LIN54: variants seen among roughly 807,000 people sequenced by gnomAD.
LIN54 encodes protein lin-54 homolog.
In LIN54, 9 loss-of-function variants were observed where a neutral mutation model predicts 78.7. The observed-to-expected ratio is 0.11, with a 90% CI of 0.07 to 0.20. LIN54 has a LOEUF of 0.20. Among genes scored for constraint, LIN54 ranks in the 10% least tolerant of loss-of-function variants. The pLI is 1.00. For missense variants in LIN54, 573 were observed against 889.9 expected (o/e 0.64, Z 4.53); for synonymous variants, 269 against 318.4 (o/e 0.84, Z 1.65).
chr4:82,944,050 C>T (rs553343860), intron 5 of LIN54, among the ~76,000 whole-genome samples: 4 of 151,204 alleles, frequency 2.6e-5, no homozygotes, highest in African/African-American at 4.9e-5. Context: ...TGTATTTTTT[C>T]GGTAGAGACA....
chr4:82,966,797 A>G (rs376722266), intron 4 of LIN54, among the ~76,000 whole-genome samples: 2 of 152,058 alleles, frequency 1.3e-5, no homozygotes, highest in East Asian at 2.0e-4. Flanking sequence ...TTTAGTAGAG[A>G]CAGGGTTTCA....
At position 82,937,273 on chromosome 4, in the gene LIN54, G is replaced by T; in HGVS notation, c.1558C>A (p.Arg520=). ...NGIIPSESAS[R]PRKPCNCTKS... is the part of the protein sequence containing the mutation. ...GTACAATTACAGGGCTTTCGGGGCC[G>T]ACTGGCCGACTCTGATGGGATTATG... Residue 520 remains arginine (R), a synonymous_variant, in exon 9 of 13, where the codon CGG becomes AGG. Transcript: ENST00000340417. 2 of 1,587,274 alleles carry T rather than the reference G, an allele frequency of 1.3e-6. No individual in the cohort carries two copies. The highest frequency in any genetic ancestry group is 1.1e-5 in the South Asian group (1 of 90,444).
chr4:83,002,403 G>A (rs1578662567), intron 1 of LIN54, among the ~76,000 whole-genome samples: 1 of 148,892 alleles, frequency 6.7e-6, no homozygotes, highest in African/African-American at 2.5e-5. Flanking sequence ...AAGGAAGGAA[G>A]GAGGGAAGGA....
At chr4:82,982,847 T>C (rs1258456294) in intron 2 of LIN54, among the ~76,000 whole-genome samples, 1 of 152,170 alleles carries the variant, frequency 6.6e-6, no homozygotes, top group Non-Finnish European at 1.5e-5. Context: ...GTCAAAACAG[T>C]AACCAAAACA....
At position 82,984,542 on chromosome 4, in the gene LIN54, T is replaced by G; in HGVS notation, c.303A>C (p.Lys101Asn). 4 of 1,614,194 alleles carry G rather than the reference T, an allele frequency of 2.5e-6. No homozygotes were observed. The highest frequency in any genetic ancestry group is 3.4e-6 in the Non-Finnish European group (4 of 1,180,032). The change falls in exon 2 of 13, where the codon AAA becomes AAC. Residue 101 changes from lysine to asparagine, a missense_variant. Physicochemically the swap from Lys to Asn is moderately conservative, Grantham distance 94. Transcript: ENST00000340417. Reference protein sequence around the residue: ...VKPAFPSGLQKLGAQTPVTIS... With the variant: ...VKPAFPSGLQNLGAQTPVTIS... ...TAGTCACAGGAGTCTGAGCACCAAG[T>G]TTTTGAAGGCCACTTGGAAAAGCTG...
intron 3 of LIN54, among the ~76,000 whole-genome samples, chr4:82,975,513 C>G (rs1726090683): frequency 6.6e-6 from 1 of 151,882 alleles, no homozygotes; most frequent in East Asian, 1.9e-4. Flanking sequence ...GAGTTCGAGA[C>G]CAGCCTGGCC....
chr4:82,933,984 A>C lies in LIN54; in HGVS notation c.1845+1997T>G, dbSNP rs75940552. ...GTGTTAATTTTTACATATTCGTGAC[A>C]ATTTTTGTATGATATGGCTTCTAAA... is the stretch of plus-strand genomic sequence containing the variant. On this transcript the variant is annotated intron_variant, in intron 11 of 12. Coordinates refer to ENST00000340417, the MANE Select transcript of LIN54 (RefSeq NM_194282.4). 2.8e-3 allele frequency among the ~76,000 whole-genome samples: 423 copies of C among 152,332 alleles called. 3 individuals carry two copies. Among genetic ancestry groups the C allele is most frequent in the Admixed American group, 4.8e-3 (74 of 15,300 alleles).
chr4:82,938,414 C>A lies in LIN54; in HGVS notation c.1531G>T (p.Gly511Cys). ...TGTACCTATTTTCAAAATACTCACCCATTGAATGGAAGCCGTGCCTGGGTC... is the reference window on the plus strand; with the variant it reads ...TGTACCTATTTTCAAAATACTCACCAATTGAATGGAAGCCGTGCCTGGGTC... ...IQTQARLPFN[G>C]IIPSESASRP... The change falls in exon 8 of 13, where the codon GGC becomes TGC. Residue 511 changes from glycine (G) to cysteine (C), a missense_variant and splice_region_variant. By Grantham distance (159) the Gly-to-Cys change is radical. This residue lies in a region of LIN54 where 101 missense variants were observed against 194.2 expected (regional missense o/e 0.52). Transcript: ENST00000340417. The A allele has an allele frequency of 6.4e-7, 1 of 1,570,834 alleles. No homozygotes were observed. The highest frequency in any genetic ancestry group is 8.8e-7 in the Non-Finnish European group (1 of 1,140,940).
intron 4 of LIN54, among the ~76,000 whole-genome samples, chr4:82,964,700 G>A (rs1432187432): frequency 6.8e-6 from 1 of 146,766 alleles, no homozygotes; most frequent in Admixed American, 6.8e-5. Flanking sequence ...TGATTAAAAA[G>A]CTTTATTGCT....
intron 2 of LIN54, among the ~76,000 whole-genome samples, chr4:82,982,382 C>T (rs1726751774): frequency 6.6e-6 from 1 of 152,124 alleles, no homozygotes; most frequent in African/African-American, 2.4e-5. Context: ...GTGTGCGCCA[C>T]CATGCTGGGC....
intron 1 of LIN54, among the ~76,000 whole-genome samples, chr4:82,995,788 T>C (rs1289415306): frequency 5.3e-5 from 8 of 151,730 alleles, no homozygotes; most frequent in African/African-American, 1.9e-4. Flanking sequence ...CGTCAGCCTC[T>C]ACTCCTGGCC....
intron 4 of LIN54, among the ~76,000 whole-genome samples, chr4:82,947,671 G>C (rs77812297): frequency 0.029 from 4,342 of 152,218 alleles, 85 homozygotes; most frequent in Admixed American, 0.045. Flanking sequence ...ATCTTAGGCA[G>C]AGCAGAACAC....
chr4:82,931,152 G>C lies in LIN54; in HGVS notation c.1846-7C>G, dbSNP rs754998968. 13 of 1,612,266 alleles carry C rather than the reference G, an allele frequency of 8.1e-6. No homozygotes were observed. The highest frequency in any genetic ancestry group is 2.7e-5 in the African/African-American group (2 of 74,846). Reference sequence around the variant, plus strand: ...AGGAACACATTATTTTTGCCTAAAAGATTTACATAAGAAAAGTTTCCAAAT... The same window carrying C: ...AGGAACACATTATTTTTGCCTAAAACATTTACATAAGAAAAGTTTCCAAAT... On this transcript the variant is annotated splice_region_variant and splice_polypyrimidine_tract_variant and intron_variant, in intron 11 of 12. Coordinates refer to ENST00000340417, the MANE Select transcript of LIN54 (RefSeq NM_194282.4).
At chr4:82,967,148 C>T (rs1578565260) in intron 4 of LIN54, among the ~76,000 whole-genome samples, 1 of 151,514 alleles carries the variant, frequency 6.6e-6, no homozygotes, top group Non-Finnish European at 1.5e-5. Flanking sequence ...ATTGTTTGAA[C>T]CCAGGAGGTG....
intron 4 of LIN54, among the ~76,000 whole-genome samples, chr4:82,959,775 A>G (rs1369526334): frequency 1.3e-5 from 2 of 152,172 alleles, no homozygotes; most frequent in Non-Finnish European, 1.5e-5. Flanking sequence ...ATTTTTCACA[A>G]TTATAAACAT....
intron 1 of LIN54, among the ~76,000 whole-genome samples, chr4:82,994,820 C>A (rs1728056363): frequency 6.6e-6 from 1 of 152,018 alleles, no homozygotes; most frequent in Admixed American, 6.6e-5. Context: ...GTGTTAAAAT[C>A]CCCAAATATG....
At chr4:82,987,115 A>AC (rs1039297884) in intron 1 of LIN54, among the ~76,000 whole-genome samples, 1 of 152,110 alleles carries the variant, frequency 6.6e-6, no homozygotes, top group Non-Finnish European at 1.5e-5. Flanking sequence ...ACATGGCAAA[A>AC]CCCCATCTCT....
chr4:82,961,519 A>C (rs1001013782), intron 4 of LIN54, among the ~76,000 whole-genome samples: 1 of 152,216 alleles, frequency 6.6e-6, no homozygotes, highest in South Asian at 2.1e-4. Flanking sequence ...TTGCAAAAAT[A>C]AAGGCTGAAA....
In LIN54 at chr4:82,926,851, A is replaced by G. The variant is rs974122120; in HGVS notation, c.*1251T>C. On this transcript the variant is annotated 3_prime_UTR_variant, in exon 13 of 13. Coordinates refer to ENST00000340417, the MANE Select transcript of LIN54 (RefSeq NM_194282.4). Reference sequence around the variant, plus strand: ...ATTTGGTTTGAAACCTCTTAGTTCAAAAGTCTATAAAAAGGGCCTGGCACG... The same window carrying G: ...ATTTGGTTTGAAACCTCTTAGTTCAGAAGTCTATAAAAAGGGCCTGGCACG... 1.3e-5 allele frequency: 2 copies of G among 152,150 alleles called. No homozygotes were observed. The highest frequency in any genetic ancestry group is 4.8e-5 in the African/African-American group (2 of 41,446). The allele number at this position is 152,150 out of a possible 1,614,324, so 9.4% of individuals were successfully genotyped here.
Sources: allele counts gnomAD v4.1 joint callset (sites outside exome capture counted in the v4.1 genomes callset), GRCh38; gene constraint gnomAD v4.1.1; regional missense constraint gnomAD v4.1.1; transcripts MANE v1.5; gene names NCBI Gene and HGNC (gene_info 2026-07-23, HGNC 2026-07-21).